The following TCF25 variants were observed in gnomAD, a reference collection of about 807,000 sequenced individuals.
The protein encoded by TCF25 is ribosome quality control complex subunit TCF25.
A neutral mutation model predicts 83.1 loss-of-function variants in TCF25; 41 were observed. That is an observed-to-expected ratio of 0.49 (90% confidence interval 0.38 to 0.64). The LOEUF (loss-of-function observed/expected upper bound fraction) is 0.64, where lower values mean the gene tolerates loss of function less well. Among genes scored for constraint, TCF25 ranks in the 30% least tolerant of loss-of-function variants. TCF25 has a pLI of 0.00. For missense variants in TCF25, 979 were observed against 914.5 expected (o/e 1.07, Z -0.91); for synonymous variants, 458 against 365.0 (o/e 1.25, Z -2.90).
In TCF25 at chr16:89,883,506, A is replaced by G. The variant is rs746940124; in HGVS notation, c.348A>G (p.Ser116=). 7.5e-6 allele frequency: 12 copies of G among 1,603,204 alleles called. No individual in the cohort carries two copies. The change falls in exon 2 of 18, where the codon TCA becomes TCG. Residue 116 remains serine (S), a synonymous_variant. Coordinates refer to ENST00000263346, the MANE Select transcript of TCF25 (RefSeq NM_014972.3). ...TDGDDTETVP[S]EQSHASGKLR... ...GAGATGACACCGAGACAGTGCCCTC[A>G]GAGCAGGTGGGGGGCTGAGTGGTGA... is the stretch of plus-strand genomic sequence containing the variant.
rs1036047523 is a variant in TCF25, at chr16:89,873,682, C to T, written c.15C>T (p.Ala5=). 6.3e-6 allele frequency: 10 copies of T among 1,599,944 alleles called. No individual in the cohort carries two copies. The South Asian group carries it at 7.8e-5, about 12-fold the overall frequency. The change falls in exon 1 of 18, where the codon GCC becomes GCT. Residue 5 remains alanine (A), a synonymous_variant. Coordinates refer to ENST00000263346, the MANE Select transcript of TCF25 (RefSeq NM_014972.3). ...CGTTCGGTCCTATGTCGCGCCGGGC[C>T]CTCCGGAGGCTGAGGGGGGAACAGC... MSRR[A]LRRLRGEQRG... is the part of the protein sequence containing the mutation.
intron 6 of TCF25, 82 bp from the exon 7 acceptor site, chr16:89,893,646 C>G: frequency 1.9e-6 from 3 of 1,603,174 alleles, no homozygotes; most frequent in Non-Finnish European, 2.6e-6. Context: ...TCATCCAGAA[C>G]ACCACGAAGG....
chr16:89,901,487 T>A (rs1400443846), intron 12 of TCF25, among the ~76,000 whole-genome samples: 1 of 129,968 alleles, frequency 7.7e-6, no homozygotes, highest in East Asian at 3.5e-4. Context: ...GGCTCACGCC[T>A]GTAATCCTAG....
At chr16:89,892,094 C>T (rs1419325333) in intron 5 of TCF25, 99 bp from the exon 6 acceptor site, 7 of 1,173,330 alleles carry the variant, frequency 6.0e-6, no homozygotes, top group East Asian at 5.7e-5. Flanking sequence ...CTCTGCCCCT[C>T]AGTTTTGCTT....
intron 1 of TCF25, among the ~76,000 whole-genome samples, chr16:89,881,057 A>G (rs774032888): frequency 5.9e-5 from 9 of 152,172 alleles, no homozygotes; most frequent in Non-Finnish European, 1.0e-4. Context: ...CTATACTGCC[A>G]TGGATTTTCT....
At chr16:89,887,846 C>A in intron 5 of TCF25, 129 bp downstream of exon 5, 1 of 798,160 alleles carries the variant, frequency 1.3e-6, no homozygotes, top group Non-Finnish European at 1.9e-6. Flanking sequence ...CACACGTAAC[C>A]CTTAGAATTG....
chr16:89,907,129 T>A, intron 15 of TCF25, 114 bp from the exon 16 acceptor site: 2 of 1,040,770 alleles, frequency 1.9e-6, no homozygotes, highest in Non-Finnish European at 2.9e-6. Context: ...TCTGTGGCTA[T>A]CTCTCAGCAG....
At chr16:89,898,706 ACT>A in intron 10 of TCF25, 57 bp downstream of exon 10, 1 of 1,611,300 alleles carries the variant, frequency 6.2e-7, no homozygotes, top group Non-Finnish European at 8.5e-7. Flanking sequence ...CTGCAGGCCC[ACT>A]CTCAGCCTGA....
At chr16:89,891,594 A>C (rs1293579089) in intron 5 of TCF25, among the ~76,000 whole-genome samples, 1 of 151,974 alleles carries the variant, frequency 6.6e-6, no homozygotes, top group African/African-American at 2.4e-5. Context: ...GGTCAGGCCC[A>C]CTCTAAGCAC....
chr16:89,889,090 AGAG>A (rs1255624561), intron 5 of TCF25: 5 of 264,400 alleles, frequency 1.9e-5, no homozygotes, highest in Non-Finnish European at 3.6e-5. Flanking sequence ...TCAGCTCCTT[AGAG>A]GAGGAAGAGC....
At chr16:89,882,152 G>C (rs2042657765) in intron 1 of TCF25, among the ~76,000 whole-genome samples, 1 of 152,164 alleles carries the variant, frequency 6.6e-6, no homozygotes, top group Non-Finnish European at 1.5e-5. Context: ...TATGTTGTGA[G>C]GTTTTATCCA....
At chr16:89,899,153 T>C (rs1307337954) in intron 11 of TCF25, among the ~76,000 whole-genome samples, 1 of 152,062 alleles carries the variant, frequency 6.6e-6, no homozygotes, top group African/African-American at 2.4e-5. Context: ...CTGCAAGGAC[T>C]GTGATGCTGG....
chr16:89,895,734 G>A (rs2043800793), intron 8 of TCF25, among the ~76,000 whole-genome samples: 1 of 152,354 alleles, frequency 6.6e-6, no homozygotes. Flanking sequence ...ATGGACGCCT[G>A]GTTCTGTCAG....
chr16:89,878,417 C>G (rs1188594192), intron 1 of TCF25: 7 of 1,222,368 alleles, frequency 5.7e-6, no homozygotes, highest in South Asian at 1.4e-5. Context: ...GAAACTCCGT[C>G]TCTATTAAAA....
chr16:89,903,590 G>A (rs2044524676), intron 12 of TCF25, among the ~76,000 whole-genome samples: 1 of 152,184 alleles, frequency 6.6e-6, no homozygotes, highest in South Asian at 2.1e-4. Context: ...TGGATCACCT[G>A]AGGTCAAGAG....
chr16:89,908,619 C>G (rs62654171), intron 16 of TCF25, among the ~76,000 whole-genome samples: 8 of 47,180 alleles, frequency 1.7e-4, no homozygotes, highest in East Asian at 7.5e-4. Context: ...CCAGCTCCCA[C>G]CTCCCAGCTC....
intron 3 of TCF25, 37 bp from the exon 4 acceptor site, chr16:89,885,805 TAATGTC>T: frequency 6.9e-7 from 1 of 1,449,082 alleles, no homozygotes; most frequent in Non-Finnish European, 9.7e-7. Context: ...ATATTTAAAA[TAATGTC>T]AGTGTGGTGA....
chr16:89,884,769 C>T (rs2042860801), intron 3 of TCF25, 113 bp downstream of exon 3: 3 of 972,950 alleles, frequency 3.1e-6, no homozygotes, highest in East Asian at 2.8e-5. Flanking sequence ...ACGCCCTCTC[C>T]CTCTGCCTGA....
chr16:89,898,113 A>C (rs1476224573), intron 9 of TCF25, among the ~76,000 whole-genome samples: 2 of 152,206 alleles, frequency 1.3e-5, no homozygotes, highest in Non-Finnish European at 2.9e-5. Context: ...CGTCTCAAAA[A>C]AAAAAAAAAG....
Sources: allele counts gnomAD v4.1 joint callset (sites outside exome capture counted in the v4.1 genomes callset), GRCh38; gene constraint gnomAD v4.1.1; transcripts MANE v1.5; gene names NCBI Gene and HGNC (gene_info 2026-07-23, HGNC 2026-07-21).